Variants in NRG3 observed in about 807,000 individuals in gnomAD.
NRG3 encodes pro-neuregulin-3, membrane-bound isoform.
NRG3 carries 31 observed loss-of-function variants against 66.9 expected under a neutral mutation model. The observed-to-expected ratio is 0.46, with a 90% CI of 0.35 to 0.63. The LOEUF (loss-of-function observed/expected upper bound fraction) is 0.63. NRG3 is among the 20% of genes least tolerant of loss of function. NRG3 has a pLI of 0.00. For missense variants in NRG3, 910 were observed against 878.9 expected (o/e 1.04, Z -0.45); for synonymous variants, 393 against 359.4 (o/e 1.09, Z -1.06).
chr10:81,966,289 T>C (rs1378509780), intron 1 of NRG3, among the ~76,000 whole-genome samples: 2 of 150,380 alleles, frequency 1.3e-5, no homozygotes, highest in South Asian at 2.1e-4. Context: ...AATTTATTTT[T>C]ATATAAATGT....
At chr10:82,894,823 C>G (rs1180227998) in intron 4 of NRG3, among the ~76,000 whole-genome samples, 1 of 152,070 alleles carries the variant, frequency 6.6e-6, no homozygotes, top group African/African-American at 2.4e-5. Context: ...TGGTTTGCTG[C>G]ACCCATCAAC....
intron 1 of NRG3, among the ~76,000 whole-genome samples, chr10:82,061,975 G>A (rs970750531): frequency 7.9e-5 from 12 of 152,118 alleles, no homozygotes; most frequent in African/African-American, 2.9e-4. Flanking sequence ...TAGTCAGTGA[G>A]CTGCATGGTG....
chr10:82,160,562 GTGGTGCAA>G (rs2071513442), intron 1 of NRG3, among the ~76,000 whole-genome samples: 1 of 151,806 alleles, frequency 6.6e-6, no homozygotes, highest in Admixed American at 6.6e-5. Context: ...CTAGAGTGCA[GTGGTGCAA>G]TGGAATTTTT....
intron 1 of NRG3, among the ~76,000 whole-genome samples, chr10:81,996,014 T>C (rs1476157706): frequency 1.3e-5 from 2 of 152,188 alleles, no homozygotes; most frequent in Admixed American, 1.3e-4. Flanking sequence ...AATTTTTTTT[T>C]CTTTATAATG....
intron 2 of NRG3, among the ~76,000 whole-genome samples, chr10:82,681,385 G>A (rs1435332919): frequency 6.6e-6 from 1 of 152,170 alleles, no homozygotes; most frequent in African/African-American, 2.4e-5. Flanking sequence ...TACCTAATAT[G>A]CTGAGATTCT....
chr10:82,850,106 G>A (rs1016012624), intron 3 of NRG3, among the ~76,000 whole-genome samples: 1 of 152,156 alleles, frequency 6.6e-6, no homozygotes, highest in South Asian at 2.1e-4. Flanking sequence ...GTTAGACAAA[G>A]CATTGCATAT....
intron 1 of NRG3, among the ~76,000 whole-genome samples, chr10:82,326,396 C>T (rs908932883): frequency 1.3e-5 from 2 of 151,850 alleles, no homozygotes; most frequent in Admixed American, 6.6e-5. Flanking sequence ...TTTTCTTCAT[C>T]CTTCTTATGC....
chr10:82,617,912 C>G (rs1009134040), intron 2 of NRG3, among the ~76,000 whole-genome samples: 11 of 152,130 alleles, frequency 7.2e-5, no homozygotes, highest in Admixed American at 6.5e-4. Flanking sequence ...ATAAAAAAGT[C>G]ATGTAAAATA....
At chr10:81,927,334 C>T (rs1463059224) in intron 1 of NRG3, among the ~76,000 whole-genome samples, 2 of 151,976 alleles carry the variant, frequency 1.3e-5, no homozygotes, top group Non-Finnish European at 2.9e-5. Context: ...GGAGAATGGT[C>T]GTAGTCTAAA....
intron 3 of NRG3, among the ~76,000 whole-genome samples, chr10:82,819,470 TC>T (rs2061853639): frequency 6.6e-6 from 1 of 152,190 alleles, no homozygotes; most frequent in African/African-American, 2.4e-5. Flanking sequence ...AGCTGCAATT[TC>T]CCAGCAGTGT....
intron 2 of NRG3, among the ~76,000 whole-genome samples, chr10:82,594,194 G>A (rs2047141068): frequency 1.3e-5 from 2 of 152,228 alleles, no homozygotes; most frequent in South Asian, 4.1e-4. Flanking sequence ...GAGATATGTA[G>A]TCTCTTCAAG....
intron 1 of NRG3, among the ~76,000 whole-genome samples, chr10:82,353,862 T>G (rs1682667960): frequency 6.6e-6 from 1 of 152,150 alleles, no homozygotes; most frequent in Admixed American, 6.5e-5. Flanking sequence ...CTTTGTTTTC[T>G]TCTCGTTTGT....
At chr10:82,380,805 C>G (rs1488293199) in intron 2 of NRG3, among the ~76,000 whole-genome samples, 1 of 152,040 alleles carries the variant, frequency 6.6e-6, no homozygotes, top group African/African-American at 2.4e-5. Context: ...ACTTCCTCTC[C>G]CAGAGAAATT....
intron 1 of NRG3, among the ~76,000 whole-genome samples, chr10:82,309,423 A>T (rs1291719262): frequency 6.6e-6 from 1 of 151,994 alleles, no homozygotes; most frequent in African/African-American, 2.4e-5. Context: ...TCCTAGTTAC[A>T]TTGAGGGTGA....
chr10:82,683,466 A>G (rs140620691), intron 2 of NRG3, among the ~76,000 whole-genome samples: 2,034 of 152,256 alleles, frequency 0.013, 49 homozygotes, highest in African/African-American at 0.044. Flanking sequence ...CAAACATATA[A>G]TATTCAATAA....
intron 1 of NRG3, among the ~76,000 whole-genome samples, chr10:82,125,949 CA>C (rs1273829013): frequency 1.3e-5 from 2 of 152,086 alleles, no homozygotes; most frequent in East Asian, 3.9e-4. Context: ...ATTATTTTTT[CA>C]AAAGGCCTGT....
intron 1 of NRG3, among the ~76,000 whole-genome samples, chr10:81,912,603 G>T (rs1399164101): frequency 6.6e-6 from 1 of 152,184 alleles, no homozygotes; most frequent in Non-Finnish European, 1.5e-5. Context: ...GTAGCAGAGT[G>T]TTATAAGAGA....
chr10:82,237,479 A>G (rs1402074976), intron 1 of NRG3, among the ~76,000 whole-genome samples: 2 of 152,096 alleles, frequency 1.3e-5, no homozygotes, highest in African/African-American at 2.4e-5. Context: ...TTTTTGTTTG[A>G]CATTCCTATT....
At chr10:82,438,312 G>A (rs1335636430) in intron 2 of NRG3, among the ~76,000 whole-genome samples, 2 of 152,358 alleles carry the variant, frequency 1.3e-5, no homozygotes, top group African/African-American at 4.8e-5. Flanking sequence ...GGTTAGGCCT[G>A]AAGAGGCCCT....
Sources: allele counts gnomAD v4.1 joint callset (sites outside exome capture counted in the v4.1 genomes callset), GRCh38; gene constraint gnomAD v4.1.1; transcripts MANE v1.5; gene names NCBI Gene and HGNC (gene_info 2026-07-23, HGNC 2026-07-21).